Variants in FAM3A observed in about 807,000 individuals in gnomAD.
The protein encoded by FAM3A is protein FAM3A.
Under a neutral mutation model 18.1 loss-of-function variants are expected in FAM3A, and 5 were observed. That is an observed-to-expected ratio of 0.28 (90% confidence interval 0.14 to 0.58). The LOEUF is 0.58. Among genes scored for constraint, FAM3A ranks in the 20% least tolerant of loss-of-function variants. The pLI, the probability that FAM3A is intolerant of heterozygous loss-of-function variation, is 0.91. For synonymous variants in FAM3A, 108 were observed against 90.2 expected (o/e 1.20, Z -1.12); for missense variants, 154 against 216.6 (o/e 0.71, Z 1.81).
intron 1 of FAM3A, among the ~76,000 whole-genome samples, chrX:154,514,489 C>T (rs1370979386): frequency 3.6e-5 from 4 of 110,804 alleles, no homozygotes; most frequent in Admixed American, 9.6e-5. Flanking sequence ...CTGCAAGCTC[C>T]GCCTCCCGGT....
At chrX:154,513,663 AAACAAC>A (rs1255949670) in intron 1 of FAM3A, among the ~76,000 whole-genome samples, 1 of 108,781 alleles carries the variant, frequency 9.2e-6, no homozygotes, top group Admixed American at 1.0e-4. Flanking sequence ...AACAAAACCA[AAACAAC>A]AACAGTCCCG....
intron 8 of FAM3A, 93 bp downstream of exon 8, chrX:154,507,110 G>T: frequency 9.1e-7 from 1 of 1,094,434 alleles, no homozygotes; most frequent in Non-Finnish European, 1.2e-6. Flanking sequence ...ACGGTCCCCT[G>T]CTGGGGCGTG....
intron 3 of FAM3A, chrX:154,510,203 C>A (rs1345034767): frequency 1.8e-5 from 2 of 111,166 alleles, no homozygotes; most frequent in African/African-American, 6.5e-5. Context: ...CCCGTCTCTA[C>A]AAAAAATACA....
At position 154,512,873 on chromosome X, in the gene FAM3A, A is replaced by C. The variant is rs1259515234; in HGVS notation, c.77T>G (p.Leu26Arg). The change falls in exon 2 of 9, where the codon CTC becomes CGC. Residue 26 changes from leucine to arginine, a missense_variant. Around this residue, in one of 3 missense-constraint regions of FAM3A, gnomAD observed 112 missense variants for 160.0 expected, o/e 0.70. Transcript: ENST00000447601. ...AAAGCCACTGCCAGGCCCACCCAGGAGGATGCTGACCACGATCCATGTGAC... is the reference window on the plus strand; with the variant it reads ...AAAGCCACTGCCAGGCCCACCCAGGCGGATGCTGACCACGATCCATGTGAC... ...VGVTWIVVSI[L>R]LGGPGSGFPR... 1 of 1,209,875 alleles carries C rather than the reference A, an allele frequency of 8.3e-7. No individual in the cohort carries two copies. The highest frequency in any genetic ancestry group is 1.7e-5 in the African/African-American group (1 of 57,237).
At position 154,507,306 on chromosome X, in the gene FAM3A, A is replaced by T; in HGVS notation, c.494T>A (p.Leu165His). ...GTTCCTGCTGCCCAGCTCACTGAAG[A>T]GCTTTCTGGTCTCTTCATTCATCCT... ...ATKMNEETRK[L>H]FSELGSRNAK... The change falls in exon 8 of 9, where the codon CTC becomes CAC. Residue 165 changes from leucine to histidine, a missense_variant. Physicochemically the swap from Leu to His is moderately conservative, Grantham distance 99. Transcript: ENST00000447601. 1 of 1,211,538 alleles carries T rather than the reference A, an allele frequency of 8.3e-7. No individual in the cohort carries two copies. The highest frequency in any genetic ancestry group is 1.8e-5 in the South Asian group (1 of 56,955).
Position 154,506,890 on chromosome X carries a change from TTAC to T in FAM3A, c.611_613del (p.Ser204del). On this transcript the variant is annotated inframe_deletion, in exon 9 of 9. Transcript: ENST00000447601. The stretch of plus-strand genomic sequence containing the variant: ...CCAGCCTTCGTACTTGTTGCTGTGC[TTAC>T]TGTTCTTCACGTGCTGTGGGGAGGG... 8.3e-7 allele frequency: 1 copy of T among 1,210,870 alleles called. No individual in the cohort carries two copies. The highest frequency in any genetic ancestry group is 1.1e-6 in the Non-Finnish European group (1 of 894,415).
chrX:154,512,962 G>T, intron 1 of FAM3A, 26 bp from the exon 2 acceptor site: 1 of 1,076,890 alleles, frequency 9.3e-7, no homozygotes, highest in Non-Finnish European at 1.3e-6. Context: ...ACACAGGGTG[G>T]GGTCACCTCA....
intron 3 of FAM3A, chrX:154,511,346 C>T (rs1474287368): frequency 2.7e-5 from 3 of 112,580 alleles, no homozygotes; most frequent in Non-Finnish European, 3.7e-5. Flanking sequence ...GCCTCTATAA[C>T]TTGCAAAAGA....
chrX:154,512,734 G>A, intron 2 of FAM3A, 89 bp downstream of exon 2: 1 of 633,562 alleles, frequency 1.6e-6, no homozygotes, highest in Non-Finnish European at 2.5e-6. Flanking sequence ...GAAAACCCAA[G>A]TCAACTCCCA....
At chrX:154,515,225 C>T (rs2070136919) in intron 1 of FAM3A, among the ~76,000 whole-genome samples, 1 of 112,164 alleles carries the variant, frequency 8.9e-6, no homozygotes, top group African/African-American at 3.2e-5. Context: ...CTCTTGAAAC[C>T]ACTCCCTGCC....
At chrX:154,510,042 G>C (rs1488327722) in intron 3 of FAM3A, 1 of 112,436 alleles carries the variant, frequency 8.9e-6, no homozygotes, top group Non-Finnish European at 1.9e-5. Flanking sequence ...ATATCATCAA[G>C]AACAGAACGT....
At chrX:154,508,260 G>A (rs782228672) in intron 5 of FAM3A, 29 bp downstream of exon 5, 24 of 1,070,324 alleles carry the variant, frequency 2.2e-5, no homozygotes, top group South Asian at 4.8e-5. Flanking sequence ...GAAGGAGGGC[G>A]GCAGGCCACG....
At position 154,506,820 on chromosome X, in the gene FAM3A, C is replaced by T. The variant is rs192735124; in HGVS notation, c.684G>A (p.Thr228=). The T allele has an allele frequency of 1.8e-4, 222 of 1,208,945 alleles. No homozygotes were observed. The Admixed American group carries it at 2.0e-3, about 11-fold the overall frequency. ...EMEGCIPRRS[T]AS ...CCTGGCACTGGCCGTGCTAGCTGGC[C>T]GTGCTTCTCCGCGGGATACAGCCTT... The change falls in exon 9 of 9, where the codon ACG becomes ACA. Residue 228 remains threonine, a synonymous_variant. Coordinates refer to ENST00000447601, the MANE Select transcript of FAM3A (RefSeq NM_021806.4).
chrX:154,514,762 T>G (rs2070098437), intron 1 of FAM3A, among the ~76,000 whole-genome samples: 1 of 111,612 alleles, frequency 9.0e-6, no homozygotes, highest in Admixed American at 9.5e-5. Flanking sequence ...TTGGCCAGAC[T>G]GGTCTCGAAC....
In FAM3A at chrX:154,515,764, C is replaced by G; in HGVS notation, c.9G>C (p.Leu3Phe). ...TTCGCTGTGGAAGCCACCCACCTGC[C>G]AACCTCATGTCCACTTCTCCTGCTG... MRLAGPLRIVVLV... is the reference protein window; with the variant it reads MRFAGPLRIVVLV... The change falls in exon 1 of 9, where the codon TTG (leucine) becomes TTC (phenylalanine). Residue 3 changes from leucine to phenylalanine, a missense_variant. Around this residue, in one of 3 missense-constraint regions of FAM3A, gnomAD observed 112 missense variants for 160.0 expected, o/e 0.70. Coordinates refer to ENST00000447601, the MANE Select transcript of FAM3A (RefSeq NM_021806.4). The G allele has an allele frequency of 8.3e-7, 1 of 1,211,676 alleles. No individual in the cohort carries two copies. Among genetic ancestry groups the G allele is most frequent in the South Asian group, 1.8e-5 (1 of 57,009 alleles).
Position 154,507,333 on chromosome X carries a change from C to A in FAM3A, c.471-4G>T. ...CTTTCTGGTCTCTTCATTCATCCTG[C>A]AGCATGGGAGGAAGGGGTGTCAGCT... On this transcript the variant is annotated splice_polypyrimidine_tract_variant and splice_region_variant and intron_variant, in intron 7 of 8. Coordinates refer to ENST00000447601, the MANE Select transcript of FAM3A (RefSeq NM_021806.4). 2 of 1,211,892 alleles carry A rather than the reference C, an allele frequency of 1.7e-6. No individual in the cohort carries two copies. The highest frequency in any genetic ancestry group is 5.9e-5 in the East Asian group (2 of 33,841).
rs782629490 is a variant in FAM3A at position 154,514,346 on chromosome X, C to A, written c.14-1410G>T. On this transcript the variant is annotated intron_variant, in intron 1 of 8. Transcript: ENST00000447601. The stretch of plus-strand genomic sequence containing the variant: ...GCAACCTCCGCCTCCTGGGTTCAAG[C>A]GATTCTCCTGCCTCAGCCTCCCAAG... Among the ~76,000 whole-genome samples the A allele has an allele frequency of 2.1e-4, 23 of 111,170 alleles. No individual in the cohort carries two copies. In the South Asian group the frequency reaches 8.8e-3, roughly 42 times the overall value.
In FAM3A at chrX:154,508,484, C is replaced by T. The variant is rs1292662586; in HGVS notation, c.265G>A (p.Glu89Lys). 2 of 1,205,878 alleles carry T rather than the reference C, an allele frequency of 1.7e-6. No individual in the cohort carries two copies. Among genetic ancestry groups the T allele is most frequent in the African/African-American group, 1.7e-5 (1 of 57,426 alleles). ...ANVIGPKICL[E>K]DKMLMSSVKD... is the part of the protein sequence containing the mutation. ...CCCCAGGGAGCTCACATCTTGTCCT[C>T]GAGGCAGATCTTGGGCCCAATGACG... The change falls in exon 4 of 9, where the codon GAG (glutamate) becomes AAG (lysine). Residue 89 changes from glutamate (E) to lysine (K), a missense_variant. By Grantham distance (56) the Glu-to-Lys change is moderately conservative (BLOSUM62 1). Transcript: ENST00000447601.
rs1056015812 is a variant in FAM3A at position 154,516,164 on chromosome X, C to T, written c.-392G>A. ...GGTCAGGGAGGTTCCCTGTCAGGCC[C>T]GCCGACCCGCTCCGCCCCGGGAGAG... On this transcript the variant is annotated 5_prime_UTR_variant, in exon 1 of 9. Coordinates refer to ENST00000447601, the MANE Select transcript of FAM3A (RefSeq NM_021806.4). 6.3e-4 allele frequency: 87 copies of T among 137,288 alleles called. No homozygotes were observed. Among genetic ancestry groups the T allele is most frequent in the Non-Finnish European group, 5.2e-4 (36 of 69,642 alleles). The allele number at this position is 137,288 out of a possible 1,213,427, so 11.3% of individuals were successfully genotyped here. A position where few individuals can be genotyped will look rare whatever the true frequency, so the allele number is the denominator to read the frequency against.
Sources: allele counts gnomAD v4.1 joint callset (sites outside exome capture counted in the v4.1 genomes callset), GRCh38; gene constraint gnomAD v4.1.1; regional missense constraint gnomAD v4.1.1; transcripts MANE v1.5; gene names NCBI Gene and HGNC (gene_info 2026-07-23, HGNC 2026-07-21).